The following FGF12 variants were observed in gnomAD, a reference collection of about 807,000 sequenced individuals.
FGF12 encodes the protein fibroblast growth factor 12B.
FGF12 carries 14 observed loss-of-function variants against 23.6 expected under a neutral mutation model. The observed-to-expected ratio is 0.59, with a 90% confidence interval of 0.39 to 0.93. The LOEUF is 0.93. Among genes scored for constraint, FGF12 ranks in the 40% least tolerant of loss-of-function variants. FGF12 has a pLI of 0.00. For synonymous variants in FGF12, 62 were observed against 77.3 expected (o/e 0.80, Z 1.04); for missense variants, 175 against 217.8 (o/e 0.80, Z 1.24).
chr3:192,288,737 A>G (rs946698998), intron 4 of FGF12, among the ~76,000 whole-genome samples: 1 of 152,164 alleles, frequency 6.6e-6, no homozygotes, highest in African/African-American at 2.4e-5. Flanking sequence ...ATTTTAGTCT[A>G]TCCCAAAACT....
chr3:192,692,802 G>T (rs1372693741), intron 2 of FGF12, among the ~76,000 whole-genome samples: 1 of 151,460 alleles, frequency 6.6e-6, no homozygotes, highest in Non-Finnish European at 1.5e-5. Context: ...CAAAAAATAG[G>T]CATCAAAGAA....
chr3:192,303,878 T>A (rs1715476002), intron 4 of FGF12, among the ~76,000 whole-genome samples: 1 of 152,176 alleles, frequency 6.6e-6, no homozygotes, highest in Non-Finnish European at 1.5e-5. Context: ...CTGTCAAGCT[T>A]CATGTAAATA....
intron 2 of FGF12, among the ~76,000 whole-genome samples, chr3:192,419,130 T>C (rs73064260): frequency 3.7e-4 from 56 of 152,286 alleles, no homozygotes; most frequent in African/African-American, 1.3e-3. Flanking sequence ...TTTAGCTCAC[T>C]CCAAATCCAA....
chr3:192,407,860 GCTATTAA>G (rs1721027233), intron 2 of FGF12, among the ~76,000 whole-genome samples: 1 of 152,234 alleles, frequency 6.6e-6, no homozygotes, highest in South Asian at 2.1e-4. Flanking sequence ...GGGGCAAGAA[GCTATTAA>G]CTGACAGAGT....
At chr3:192,578,860 G>A (rs1003358976) in intron 2 of FGF12, among the ~76,000 whole-genome samples, 1 of 152,086 alleles carries the variant, frequency 6.6e-6, no homozygotes, top group Non-Finnish European at 1.5e-5. Context: ...CACCTGCAAA[G>A]GAACAGCCTT....
At chr3:192,240,634 T>C (rs1370846445) in intron 4 of FGF12, among the ~76,000 whole-genome samples, 1 of 152,186 alleles carries the variant, frequency 6.6e-6, no homozygotes, top group Non-Finnish European at 1.5e-5. Flanking sequence ...TGTCCCATTA[T>C]CACCCAGCTG....
At chr3:192,309,504 G>T (rs1390002842) in intron 4 of FGF12, among the ~76,000 whole-genome samples, 1 of 152,126 alleles carries the variant, frequency 6.6e-6, no homozygotes, top group Non-Finnish European at 1.5e-5. Flanking sequence ...TCAAGATGCT[G>T]ATAATTCATT....
chr3:192,528,464 G>C (rs1164907447), intron 2 of FGF12, among the ~76,000 whole-genome samples: 1 of 152,102 alleles, frequency 6.6e-6, no homozygotes, highest in Non-Finnish European at 1.5e-5. Flanking sequence ...TTCATGGGCT[G>C]GTGTTGTGTG....
chr3:192,204,074 AATGAT>A (rs746457192), intron 4 of FGF12, among the ~76,000 whole-genome samples: 2 of 152,158 alleles, frequency 1.3e-5, no homozygotes, highest in Non-Finnish European at 2.9e-5. Flanking sequence ...TGATCCAACC[AATGAT>A]AGATGGCAAA....
chr3:192,616,315 A>C (rs1714753111), intron 2 of FGF12, among the ~76,000 whole-genome samples: 1 of 152,096 alleles, frequency 6.6e-6, no homozygotes, highest in Non-Finnish European at 1.5e-5. Context: ...AAGTCTTACG[A>C]TCTACAATCT....
intron 4 of FGF12, among the ~76,000 whole-genome samples, chr3:192,326,498 T>C (rs1422063080): frequency 6.6e-6 from 1 of 152,172 alleles, no homozygotes; most frequent in Non-Finnish European, 1.5e-5. Flanking sequence ...CAATAACTCC[T>C]GACACAGCTT....
intron 2 of FGF12, among the ~76,000 whole-genome samples, chr3:192,555,000 G>A (rs1348075507): frequency 1.3e-5 from 2 of 151,812 alleles, no homozygotes; most frequent in Non-Finnish European, 2.9e-5. Flanking sequence ...AAGAATAAAA[G>A]AATGAAAAAG....
chr3:192,475,710 A>G (rs1175233901), intron 2 of FGF12, among the ~76,000 whole-genome samples: 1 of 152,188 alleles, frequency 6.6e-6, no homozygotes, highest in African/African-American at 2.4e-5. Flanking sequence ...TTTAAATGAC[A>G]AAGAAATGAA....
intron 2 of FGF12, among the ~76,000 whole-genome samples, chr3:192,683,210 C>G (rs148123617): frequency 3.9e-5 from 6 of 152,278 alleles, no homozygotes; most frequent in Non-Finnish European, 8.8e-5. Flanking sequence ...GAACTGGCAG[C>G]CAGCGTCTGA....
chr3:192,460,682 T>TTTTATA (rs150219051), intron 2 of FGF12, among the ~76,000 whole-genome samples: 5 of 142,444 alleles, frequency 3.5e-5, no homozygotes, highest in African/African-American at 1.3e-4. Flanking sequence ...ACACATATAT[T>TTTTATA]TATATATATA....
rs1383186976 is a variant in FGF12, at chr3:192,140,522, A to C, written c.*3487T>G. 6.6e-6 allele frequency: 1 copy of C among 152,038 alleles called. No homozygotes were observed. The highest frequency in any genetic ancestry group is 1.9e-4 in the East Asian group (1 of 5,196). The allele number at this position is 152,038 out of a possible 1,614,324, so 9.4% of individuals were successfully genotyped here. Reference sequence around the variant, plus strand: ...TTCACCAAGAAATCAGTGCTCCCAAATTAGGAATTCCAAACTTTTCAATAT... The same window carrying C: ...TTCACCAAGAAATCAGTGCTCCCAACTTAGGAATTCCAAACTTTTCAATAT... On this transcript the variant is annotated 3_prime_UTR_variant, in exon 6 of 6. Transcript: ENST00000445105.
chr3:192,183,199 T>C (rs775090607), intron 4 of FGF12, among the ~76,000 whole-genome samples: 3 of 152,008 alleles, frequency 2.0e-5, no homozygotes, highest in Non-Finnish European at 4.4e-5. Flanking sequence ...ATTTTTTTTT[T>C]TTAGAAAAGC....
chr3:192,216,460 A>C (rs1718198288), intron 4 of FGF12, among the ~76,000 whole-genome samples: 2 of 152,358 alleles, frequency 1.3e-5, no homozygotes, highest in South Asian at 4.1e-4. Flanking sequence ...GAATTTGCAC[A>C]TCGTTCCATC....
intron 2 of FGF12, among the ~76,000 whole-genome samples, chr3:192,637,115 C>T (rs1057287894): frequency 1.3e-5 from 2 of 152,154 alleles, no homozygotes; most frequent in African/African-American, 2.4e-5. Context: ...GTCTCTCCCT[C>T]GCTCCTATTT....
Sources: gnomAD v4.1 joint callset for allele counts (sites outside exome capture counted in the v4.1 genomes callset) on GRCh38, gnomAD v4.1.1 for gene constraint, MANE v1.5 for transcripts, NCBI Gene and HGNC (gene_info 2026-07-23, HGNC 2026-07-21) for gene names.